The following EPS15L1 variants were observed in gnomAD, a reference collection of about 807,000 sequenced individuals.
The protein encoded by EPS15L1 is epidermal growth factor receptor substrate 15-like 1.
Under a neutral mutation model 117.1 loss-of-function variants are expected in EPS15L1, and 43 were observed. The observed-to-expected ratio is 0.37, with a 90% confidence interval of 0.29 to 0.47. The LOEUF (loss-of-function observed/expected upper bound fraction) is 0.47. Among genes scored for constraint, EPS15L1 ranks in the 20% least tolerant of loss-of-function variants. The pLI, the probability that EPS15L1 is intolerant of heterozygous loss-of-function variation, is 0.99. For missense variants in EPS15L1, 981 were observed against 1,164.0 expected, an observed-to-expected ratio of 0.84 and a Z score of 2.29; for synonymous variants, 459 against 470.5, an observed-to-expected ratio of 0.98 and a Z score of 0.32.
intron 16 of EPS15L1, chr19:16,401,745 G>T: frequency 1.3e-5 from 13 of 985,502 alleles, no homozygotes; most frequent in Non-Finnish European, 1.6e-5. Flanking sequence ...CAACTCCAGG[G>T]TCATGAGGTC....
chr19:16,361,762 CGGA>C lies in EPS15L1; in HGVS notation c.2586+14_2586+16del. ...GGAAGGGAGTGGGGTGGCCCGGAGG[CGGA>C]GGACTCAACTTACAGAGGTGAAGTC... On this transcript the variant is annotated intron_variant, in intron 23 of 23. Transcript: ENST00000455140. 1 of 1,606,742 alleles carries C rather than the reference CGGA, an allele frequency of 6.2e-7. No individual in the cohort carries two copies. Among genetic ancestry groups the C allele is most frequent in the Non-Finnish European group, 8.5e-7 (1 of 1,176,566 alleles).
intron 5 of EPS15L1, 60 bp downstream of exon 5, chr19:16,437,708 CAT>C: frequency 8.6e-7 from 1 of 1,162,652 alleles, no homozygotes; most frequent in South Asian, 1.2e-5. Context: ...CACACATGCA[CAT>C]ACACACACAC....
intron 1 of EPS15L1, among the ~76,000 whole-genome samples, chr19:16,468,994 T>A (rs2093326441): frequency 6.6e-6 from 1 of 152,128 alleles, no homozygotes; most frequent in Admixed American, 6.6e-5. Flanking sequence ...CACTCCAGCC[T>A]GGGGGACAGA....
rs1232274531 is a variant in EPS15L1 at position 16,403,830 on chromosome 19, T to C, written c.1529A>G (p.Gln510Arg). The C allele has an allele frequency of 6.2e-7, 1 of 1,614,176 alleles. No individual in the cohort carries two copies. Reference sequence around the variant, plus strand: ...GCTCTGCTCCAGCTGGGTTTCCTCCTGCTGCAATCGGTTCAGCTCCGACTT... The same window carrying C: ...GCTCTGCTCCAGCTGGGTTTCCTCCCGCTGCAATCGGTTCAGCTCCGACTT... ...RAKSELNRLQ[Q>R]EETQLEQSIQ... Residue 510 changes from glutamine to arginine, a missense_variant, in exon 15 of 24, where the codon CAG becomes CGG. This residue lies in a region of EPS15L1 where 819 missense variants were observed against 949.0 expected (regional missense o/e 0.86). Transcript: ENST00000455140.
chr19:16,422,969 AAGG>A (rs2092832349), intron 9 of EPS15L1, among the ~76,000 whole-genome samples: 1 of 134,418 alleles, frequency 7.4e-6, no homozygotes, highest in Non-Finnish European at 1.6e-5. Context: ...GGGAAAAAAA[AAGG>A]GGGGGGGGAT....
At chr19:16,434,304 G>A in intron 7 of EPS15L1, 61 bp downstream of exon 7, 1 of 1,579,206 alleles carries the variant, frequency 6.3e-7, no homozygotes, top group South Asian at 1.2e-5. Context: ...AAAGAGAACA[G>A]TGGCGCCCAC....
chr19:16,367,753 CAAA>C (rs60689307), intron 22 of EPS15L1, among the ~76,000 whole-genome samples: 5 of 50,712 alleles, frequency 9.9e-5, no homozygotes, highest in Admixed American at 2.2e-4. Flanking sequence ...GGGTGCAAAG[CAAA>C]AAAAAAAAAA....
chr19:16,413,257 G>A (rs1378227321), intron 13 of EPS15L1: 2 of 645,524 alleles, frequency 3.1e-6, no homozygotes, highest in African/African-American at 3.6e-5. Flanking sequence ...ACAGGCCACT[G>A]CAACTCTGTG....
In EPS15L1 at chr19:16,417,613, C is replaced by T. The variant is rs143490617; in HGVS notation, c.1132G>A (p.Gly378Arg). The T allele has an allele frequency of 1.2e-5, 19 of 1,614,016 alleles. No individual in the cohort carries two copies. The highest frequency in any genetic ancestry group is 8.0e-5 in the African/African-American group (6 of 74,916). Residue 378 changes from glycine to arginine, a missense_variant, in exon 12 of 24, where the codon GGG becomes AGG. Gly to Arg is a moderately radical substitution (Grantham distance 125, BLOSUM62 -2). Coordinates refer to ENST00000455140, the MANE Select transcript of EPS15L1 (RefSeq NM_001258374.3). ...AGCTCCTTCACGCCAGTAAACTCCC[C>T]GGAGCCGAGAGAGCCTGAACTGTCC... ...GPDSSGSLGS[G>R]EFTGVKELDD...
chr19:16,441,075 G>A (rs1442472840), intron 3 of EPS15L1, 166 bp from the exon 4 acceptor site: 2 of 708,328 alleles, frequency 2.8e-6, no homozygotes, highest in Non-Finnish European at 5.1e-6. Context: ...TGAATGATCT[G>A]CCCAGGGGCG....
At chr19:16,432,904 G>A (rs2092943314) in intron 7 of EPS15L1, among the ~76,000 whole-genome samples, 1 of 151,248 alleles carries the variant, frequency 6.6e-6, no homozygotes, top group Non-Finnish European at 1.5e-5. Context: ...CCAGGCTCAG[G>A]TGTGATTCTC....
intron 22 of EPS15L1, among the ~76,000 whole-genome samples, chr19:16,363,113 C>T (rs1742745285): frequency 1.3e-5 from 2 of 152,078 alleles, no homozygotes; most frequent in African/African-American, 2.4e-5. Flanking sequence ...TCCCACCTGA[C>T]GGGCCTTCCA....
At chr19:16,373,524 T>G (rs960753577) in intron 22 of EPS15L1, among the ~76,000 whole-genome samples, 1 of 152,050 alleles carries the variant, frequency 6.6e-6, no homozygotes, top group African/African-American at 2.4e-5. Flanking sequence ...CACTATCTTC[T>G]GTCTTAAAGA....
At chr19:16,385,697 C>T (rs12461349) in intron 20 of EPS15L1, among the ~76,000 whole-genome samples, 19,344 of 152,134 alleles carry the variant, frequency 0.13, 1,339 homozygotes, top group African/African-American at 0.18. Context: ...CAGGACCAAG[C>T]GGGGCCTGTT....
intron 23 of EPS15L1, chr19:16,357,894 A>G (rs1407357631): frequency 6.6e-6 from 1 of 152,188 alleles, no homozygotes; most frequent in Admixed American, 6.6e-5. Context: ...ATTTTCCAAC[A>G]CCTCATGGGG....
rs757793647 is a variant in EPS15L1, at chr19:16,393,931, C to T, written c.1966+20G>A. On this transcript the variant is annotated intron_variant, in intron 18 of 23. Coordinates refer to ENST00000455140, the MANE Select transcript of EPS15L1 (RefSeq NM_001258374.3). ...ACTGGACACAGTCTAAAGACCGGTC[C>T]GGGAAACACTGAATTTTACCTGTTG... 1.4e-5 allele frequency: 22 copies of T among 1,613,116 alleles called. No individual in the cohort carries two copies. The highest frequency in any genetic ancestry group is 4.5e-5 in the East Asian group (2 of 44,870).
intron 1 of EPS15L1, among the ~76,000 whole-genome samples, chr19:16,458,353 C>T (rs2093216364): frequency 6.6e-6 from 1 of 152,156 alleles, no homozygotes; most frequent in Non-Finnish European, 1.5e-5. Context: ...GGCATCAAAG[C>T]CAGTGAGCTG....
intron 8 of EPS15L1, among the ~76,000 whole-genome samples, chr19:16,425,753 T>G (rs1266607516): frequency 1.3e-5 from 2 of 152,078 alleles, no homozygotes; most frequent in Non-Finnish European, 2.9e-5. Flanking sequence ...TGCAGTGAGC[T>G]GTGATCGCGC....
intron 5 of EPS15L1, 186 bp from the exon 6 acceptor site, chr19:16,437,185 A>T: frequency 1.7e-6 from 1 of 583,270 alleles, no homozygotes; most frequent in African/African-American, 1.9e-5. Flanking sequence ...TGAATTAAAA[A>T]CGGATGTCCA....
Sources: gnomAD v4.1 joint callset for allele counts (sites outside exome capture counted in the v4.1 genomes callset) on GRCh38, gnomAD v4.1.1 for gene constraint, gnomAD v4.1.1 regional missense constraint, MANE v1.5 for transcripts, NCBI Gene and HGNC (gene_info 2026-07-23, HGNC 2026-07-21) for gene names.